LRBA: variants seen among roughly 807,000 people sequenced by gnomAD.
LRBA encodes the protein lipopolysaccharide-responsive and beige-like anchor protein.
Under a neutral mutation model 330.0 loss-of-function variants are expected in LRBA, and 176 were observed. The ratio of observed to expected loss-of-function variants is 0.53; its 90% CI spans 0.47 to 0.60. The LOEUF is 0.60. Among genes scored for constraint, LRBA ranks in the 20% least tolerant of loss-of-function variants. LRBA has a pLI of 0.00. For synonymous variants in LRBA, 1,230 were observed against 1,193.0 expected (o/e 1.03, Z -0.64); for missense variants, 3,259 against 3,444.8 (o/e 0.95, Z 1.35).
rs780586512 is a variant in LRBA, at chr4:150,852,409, T to C, written c.3301A>G (p.Ile1101Val). The change falls in exon 23 of 57, where the codon ATA becomes GTA. Residue 1101 changes from isoleucine to valine, a missense_variant. Physicochemically the swap from Ile to Val is conservative, Grantham distance 29. Coordinates refer to ENST00000651943, the MANE Select transcript of LRBA (RefSeq NM_001364905.1). ...SEMPEFLDKS[I>V]VEEEEDDDYV... is the part of the protein sequence containing the mutation. ...TCATCATCTTCCTCTTCCTCTACTA[T>C]AGATTTATCCAAGAATTCTGGCATC... is the stretch of plus-strand genomic sequence containing the variant. 1.4e-5 allele frequency: 22 copies of C among 1,613,502 alleles called. No individual in the cohort carries two copies. The South Asian group carries it at 1.9e-4, about 14-fold the overall frequency.
chr4:150,645,126 G>A (rs1779005464), intron 37 of LRBA, among the ~76,000 whole-genome samples: 1 of 142,948 alleles, frequency 7.0e-6, no homozygotes, highest in South Asian at 2.2e-4. Context: ...TTTTTCTTGA[G>A]ATCCTGTCTC....
At chr4:150,599,198 G>C (rs1463843046) in intron 37 of LRBA, 67 bp from the exon 38 acceptor site, 1 of 1,555,238 alleles carries the variant, frequency 6.4e-7, no homozygotes, top group African/African-American at 1.4e-5. Flanking sequence ...CTGAATTTCT[G>C]CATAAAGCTC....
intron 42 of LRBA, among the ~76,000 whole-genome samples, chr4:150,478,644 T>C (rs1425966868): frequency 1.3e-5 from 2 of 152,218 alleles, no homozygotes; most frequent in African/African-American, 4.8e-5. Context: ...GTTCCAGTGA[T>C]ACTTGCTTTC....
chr4:150,445,198 T>C (rs976942824), intron 44 of LRBA, among the ~76,000 whole-genome samples: 1 of 151,962 alleles, frequency 6.6e-6, no homozygotes, highest in Non-Finnish European at 1.5e-5. Flanking sequence ...ATTAGTGGCA[T>C]ACATGTCAAC....
In LRBA at chr4:150,850,045, AT is replaced by A. The variant is rs989013450; in HGVS notation, c.4005-471del. Among the ~76,000 whole-genome samples, 5 of 151,992 alleles carry A rather than the reference AT, an allele frequency of 3.3e-5. No individual in the cohort carries two copies. The East Asian group carries it at 5.8e-4, about 18-fold the overall frequency. On this transcript the variant is annotated intron_variant, in intron 24 of 56. Coordinates refer to ENST00000651943, the MANE Select transcript of LRBA (RefSeq NM_001364905.1). The stretch of plus-strand genomic sequence containing the variant: ...ATGGGGGATAACTTGAAGTACACAG[AT>A]TTTTTTTAATGCTAAAAATACATTG...
At chr4:150,713,708 G>A (rs997452121) in intron 36 of LRBA, among the ~76,000 whole-genome samples, 13 of 152,236 alleles carry the variant, frequency 8.5e-5, no homozygotes, top group South Asian at 2.1e-4. Flanking sequence ...CTGAGATACC[G>A]TAAGTGATGA....
chr4:150,762,913 G>A (rs530891077), intron 34 of LRBA, among the ~76,000 whole-genome samples: 4 of 151,864 alleles, frequency 2.6e-5, no homozygotes, highest in South Asian at 2.1e-4. Context: ...TAGCTATTCC[G>A]TTCCACTCCA....
chr4:150,284,835 T>A (rs981588398), intron 54 of LRBA, among the ~76,000 whole-genome samples: 2 of 152,158 alleles, frequency 1.3e-5, no homozygotes, highest in Non-Finnish European at 2.9e-5. Context: ...CTGACAAAAA[T>A]TTTTAAAGAC....
chr4:150,268,081 C>T (rs1342342172), intron 56 of LRBA, among the ~76,000 whole-genome samples: 1 of 148,754 alleles, frequency 6.7e-6, no homozygotes. Context: ...AAAAATGACT[C>T]AAATTACTAA....
chr4:150,929,916 CAT>C (rs991690471), intron 2 of LRBA, among the ~76,000 whole-genome samples: 7 of 152,126 alleles, frequency 4.6e-5, no homozygotes, highest in African/African-American at 9.7e-5. Context: ...TAGCTACACA[CAT>C]GATTCACCTA....
At chr4:150,746,797 A>G (rs1426200746) in intron 35 of LRBA, among the ~76,000 whole-genome samples, 4 of 152,270 alleles carry the variant, frequency 2.6e-5, no homozygotes, top group African/African-American at 9.6e-5. Context: ...GGTGTGAGCC[A>G]CTACGCCCGG....
intron 37 of LRBA, among the ~76,000 whole-genome samples, chr4:150,632,586 C>T (rs1439957588): frequency 6.6e-6 from 1 of 152,288 alleles, no homozygotes; most frequent in South Asian, 2.1e-4. Context: ...CTCCCAAAAA[C>T]ATTATTCAAC....
intron 44 of LRBA, among the ~76,000 whole-genome samples, chr4:150,452,858 T>A (rs1476645104): frequency 6.6e-6 from 1 of 152,104 alleles, no homozygotes; most frequent in Non-Finnish European, 1.5e-5. Flanking sequence ...AATAATTGAG[T>A]TTAGCAAGGA....
At position 150,900,142 on chromosome 4, in the gene LRBA, C is replaced by A. The variant is rs1730563883; in HGVS notation, c.1831G>T (p.Val611Phe). 1.9e-6 allele frequency: 3 copies of A among 1,613,012 alleles called. No individual in the cohort carries two copies. The East Asian group carries it at 6.7e-5, about 36-fold the overall frequency. ...TVNIYNTIRR[V>F]GTVLLIMHTL... The stretch of plus-strand genomic sequence containing the variant: ...TGCATGATGAGAAGCACTGTTCCAA[C>A]TCTCCGAATGGTGTTATATATGTTG... The change falls in exon 14 of 57, where the codon GTT (valine) becomes TTT (phenylalanine). Residue 611 changes from valine to phenylalanine, a missense_variant. Transcript: ENST00000651943.
chr4:150,302,946 T>C (rs534127688), intron 52 of LRBA, among the ~76,000 whole-genome samples, 154 bp from the exon 53 acceptor site: 1 of 152,352 alleles, frequency 6.6e-6, no homozygotes, highest in African/African-American at 2.4e-5. Context: ...ACAGTTTTCT[T>C]TGCATGCTAA....
intron 40 of LRBA, among the ~76,000 whole-genome samples, chr4:150,523,000 G>A (rs139436861): frequency 6.6e-6 from 1 of 152,222 alleles, no homozygotes; most frequent in East Asian, 1.9e-4. Flanking sequence ...TATTTTGAAG[G>A]CGGTAACTTG....
intron 40 of LRBA, among the ~76,000 whole-genome samples, chr4:150,533,840 AAG>A (rs1171762298): frequency 2.0e-5 from 3 of 152,144 alleles, no homozygotes; most frequent in Non-Finnish European, 4.4e-5. Flanking sequence ...TGCCTGACCT[AAG>A]AGTCATAGAG....
At chr4:150,514,198 A>T (rs960683208) in intron 40 of LRBA, among the ~76,000 whole-genome samples, 5 of 152,004 alleles carry the variant, frequency 3.3e-5, no homozygotes, top group Non-Finnish European at 5.9e-5. Flanking sequence ...TCAGCCTCCC[A>T]AGTAGCTGGG....
intron 33 of LRBA, among the ~76,000 whole-genome samples, chr4:150,801,048 T>G (rs78936041): frequency 6.6e-6 from 1 of 152,034 alleles, no homozygotes; most frequent in African/African-American, 2.4e-5. Flanking sequence ...AATGAAAAAA[T>G]AGTCATGACT....
Sources: gnomAD v4.1 joint callset for allele counts (sites outside exome capture counted in the v4.1 genomes callset) on GRCh38, gnomAD v4.1.1 for gene constraint, MANE v1.5 for transcripts, NCBI Gene and HGNC (gene_info 2026-07-23, HGNC 2026-07-21) for gene names.